The following PTPRT variants were observed in gnomAD, a reference collection of about 807,000 sequenced individuals.
PTPRT encodes the protein receptor-type tyrosine-protein phosphatase T.
PTPRT carries 56 observed loss-of-function variants against 176.8 expected under a neutral mutation model. The ratio of observed to expected loss-of-function variants is 0.32; its 90% CI spans 0.26 to 0.40. The LOEUF is 0.40. Ranked by LOEUF, PTPRT falls within the 10% of genes least tolerant of loss-of-function variation. The pLI is 1.00. For missense variants in PTPRT, 1,540 were observed against 1,908.2 expected, an observed-to-expected ratio of 0.81 and a Z score of 3.60; for synonymous variants, 783 against 739.0, an observed-to-expected ratio of 1.06 and a Z score of -0.96.
intron 2 of PTPRT, among the ~76,000 whole-genome samples, chr20:42,880,706 G>A (rs550625925): frequency 6.6e-6 from 1 of 152,308 alleles, no homozygotes; most frequent in Non-Finnish European, 1.5e-5. Flanking sequence ...TAGAGAGAGG[G>A]TTTGTGAGTG....
At chr20:42,868,998 G>A (rs1278022064) in intron 2 of PTPRT, among the ~76,000 whole-genome samples, 1 of 152,198 alleles carries the variant, frequency 6.6e-6, no homozygotes, top group East Asian at 1.9e-4. Flanking sequence ...CAACCTTGGT[G>A]GCATCCACAT....
At chr20:42,397,810 G>A (rs3091793) in intron 9 of PTPRT, among the ~76,000 whole-genome samples, 131,122 of 152,224 alleles carry the variant, frequency 0.86, 56,605 homozygotes, top group African/African-American at 0.9. Context: ...ATACCCAGTA[G>A]TGGGATTGCT....
At chr20:42,222,127 C>A (rs915505886) in intron 15 of PTPRT, among the ~76,000 whole-genome samples, 3 of 152,184 alleles carry the variant, frequency 2.0e-5, no homozygotes, top group Admixed American at 1.3e-4. Flanking sequence ...GTAATACTTA[C>A]CAGCCTCTTT....
chr20:42,192,958 G>A (rs76028750), intron 16 of PTPRT, among the ~76,000 whole-genome samples: 1,778 of 152,258 alleles, frequency 0.012, 38 homozygotes, highest in African/African-American at 0.041. Context: ...AGAGGAACCA[G>A]TAAGAAGCAC....
At position 42,862,040 on chromosome 20, in the gene PTPRT, G is replaced by A. The variant is rs193268748; in HGVS notation, c.214+23767C>T. On this transcript the variant is annotated intron_variant, in intron 2 of 30. Coordinates refer to ENST00000373187, the MANE Select transcript of PTPRT (RefSeq NM_007050.6). ...CCATATTGCAAAAGGTTATACACAC[G>A]CACACACACACACACAAGACACTAT... Among the ~76,000 whole-genome samples, 321 of 150,712 alleles carry A rather than the reference G, an allele frequency of 2.1e-3. 2 individuals are homozygous for A. Among genetic ancestry groups the A allele is most frequent in the African/African-American group, 7.3e-3 (302 of 41,148 alleles).
At chr20:42,481,485 C>T (rs1034957701) in intron 7 of PTPRT, among the ~76,000 whole-genome samples, 13 of 152,158 alleles carry the variant, frequency 8.5e-5, no homozygotes, top group African/African-American at 3.1e-4. Context: ...ATTTATTATG[C>T]TAGTCCACAG....
At chr20:42,520,444 C>G (rs1215449913) in intron 7 of PTPRT, among the ~76,000 whole-genome samples, 3 of 152,012 alleles carry the variant, frequency 2.0e-5, no homozygotes, top group Non-Finnish European at 1.5e-5. Flanking sequence ...ATAGTTTTGT[C>G]TTCCAAATAC....
At chr20:42,272,836 C>T (rs941109656) in intron 13 of PTPRT, among the ~76,000 whole-genome samples, 15 of 152,182 alleles carry the variant, frequency 9.9e-5, no homozygotes, top group East Asian at 1.9e-4. Context: ...CATTCCTTTG[C>T]CTTGTCCCAT....
At chr20:42,724,390 G>T (rs1232433496) in intron 6 of PTPRT, among the ~76,000 whole-genome samples, 1 of 152,148 alleles carries the variant, frequency 6.6e-6, no homozygotes, top group African/African-American at 2.4e-5. Flanking sequence ...GGTCAGTGGG[G>T]CTCAGCCAGT....
At chr20:42,111,974 A>C (rs889185930) in intron 22 of PTPRT, among the ~76,000 whole-genome samples, 5 of 152,046 alleles carry the variant, frequency 3.3e-5, no homozygotes, top group African/African-American at 1.2e-4. Flanking sequence ...GCTAGAGGCA[A>C]GTGGAAGTCA....
At chr20:43,049,808 T>C (rs1029007684) in intron 1 of PTPRT, among the ~76,000 whole-genome samples, 3 of 152,208 alleles carry the variant, frequency 2.0e-5, no homozygotes, top group South Asian at 2.1e-4. Flanking sequence ...GCCCTGCTCA[T>C]ATATCCTAAA....
At chr20:43,122,534 G>A (rs746338293) in intron 1 of PTPRT, among the ~76,000 whole-genome samples, 11 of 152,206 alleles carry the variant, frequency 7.2e-5, no homozygotes, top group Non-Finnish European at 1.3e-4. Flanking sequence ...GAGATGATTG[G>A]ATCATGGGGG....
intron 15 of PTPRT, among the ~76,000 whole-genome samples, chr20:42,211,183 C>T (rs1236249953): frequency 1.3e-5 from 2 of 152,110 alleles, no homozygotes; most frequent in Non-Finnish European, 2.9e-5. Context: ...GACCTAAAAC[C>T]ATAAAAACCC....
chr20:42,463,144 A>G (rs1214950919), intron 8 of PTPRT, among the ~76,000 whole-genome samples: 1 of 152,142 alleles, frequency 6.6e-6, no homozygotes, highest in African/African-American at 2.4e-5. Flanking sequence ...GTCCTTTGCA[A>G]GGAGATAGAC....
the PTPRT span, among the ~76,000 whole-genome samples, chr20:42,057,300 C>T: frequency 6.6e-6 from 1 of 151,928 alleles, no homozygotes; most frequent in African/African-American, 2.4e-5. Flanking sequence ...GCCTGGTGGG[C>T]GTGAGGTCTA....
intron 5 of PTPRT, among the ~76,000 whole-genome samples, chr20:42,757,740 T>C (rs2076856601): frequency 6.6e-6 from 1 of 152,206 alleles, no homozygotes; most frequent in Non-Finnish European, 1.5e-5. Context: ...AGAATCAAGG[T>C]GAATACACGT....
intron 2 of PTPRT, among the ~76,000 whole-genome samples, chr20:42,855,705 T>G (rs1285213472): frequency 2.0e-5 from 3 of 152,082 alleles, no homozygotes; most frequent in Non-Finnish European, 4.4e-5. Flanking sequence ...GTGCTGGTAT[T>G]ACAGGCATGA....
At chr20:42,806,848 T>C (rs1176436907) in intron 2 of PTPRT, among the ~76,000 whole-genome samples, 1 of 152,246 alleles carries the variant, frequency 6.6e-6, no homozygotes, top group East Asian at 1.9e-4. Flanking sequence ...TTAACTATGA[T>C]GAGATTCAGA....
intron 27 of PTPRT, 92 bp from the exon 28 acceptor site, chr20:42,085,945 TC>T (rs1297545492): frequency 8.6e-6 from 12 of 1,394,282 alleles, no homozygotes; most frequent in African/African-American, 1.5e-5. Context: ...TTTCTTTTTT[TC>T]TTTTTCTTTT....
Sources: gnomAD v4.1 joint callset for allele counts (sites outside exome capture counted in the v4.1 genomes callset) on GRCh38, gnomAD v4.1.1 for gene constraint, MANE v1.5 for transcripts, NCBI Gene and HGNC (gene_info 2026-07-23, HGNC 2026-07-21) for gene names.